The following CTNNA3 variants were observed in gnomAD, a reference collection of about 807,000 sequenced individuals.
CTNNA3 encodes the protein catenin alpha 3.
In CTNNA3, 76 loss-of-function variants were observed where a neutral mutation model predicts 95.7. That is an observed-to-expected ratio of 0.79 (90% confidence interval 0.66 to 0.96). CTNNA3 has a LOEUF of 0.96. Among genes scored for constraint, CTNNA3 ranks in the 40% least tolerant of loss-of-function variants. The pLI is 0.00. For missense variants in CTNNA3, 1,191 were observed against 1,089.8 expected (o/e 1.09, Z -1.31); for synonymous variants, 431 against 374.4 (o/e 1.15, Z -1.74).
chr10:66,356,169 TATA>T (rs1315507064), intron 12 of CTNNA3, among the ~76,000 whole-genome samples: 1 of 147,454 alleles, frequency 6.8e-6, no homozygotes, highest in Non-Finnish European at 1.5e-5. Flanking sequence ...TGCCTTTCCA[TATA>T]AATGTATTTT....
chr10:67,325,518 A>C (rs1841504228), intron 5 of CTNNA3, among the ~76,000 whole-genome samples: 1 of 152,024 alleles, frequency 6.6e-6, no homozygotes, highest in South Asian at 2.1e-4. Flanking sequence ...AGGTTATTCA[A>C]TTCCCATGAA....
At chr10:66,939,836 T>C (rs1847901353) in intron 7 of CTNNA3, among the ~76,000 whole-genome samples, 1 of 152,218 alleles carries the variant, frequency 6.6e-6, no homozygotes, top group South Asian at 2.1e-4. Context: ...TTTTACCTTC[T>C]ATTTGAAATT....
At chr10:66,169,706 A>C (rs1008244516) in intron 13 of CTNNA3, among the ~76,000 whole-genome samples, 2 of 152,122 alleles carry the variant, frequency 1.3e-5, no homozygotes, top group Admixed American at 1.3e-4. Context: ...TTTTTTGATA[A>C]TGGCCATTCT....
intron 9 of CTNNA3, among the ~76,000 whole-genome samples, chr10:66,686,443 A>C (rs1847299942): frequency 6.6e-6 from 1 of 152,226 alleles, no homozygotes; most frequent in African/African-American, 2.4e-5. Flanking sequence ...TGCCTGGGTG[A>C]CAGAGTGAGA....
chr10:67,302,212 A>C (rs1840354139), intron 5 of CTNNA3, among the ~76,000 whole-genome samples: 1 of 152,172 alleles, frequency 6.6e-6, no homozygotes, highest in Non-Finnish European at 1.5e-5. Flanking sequence ...GAATCTAAAA[A>C]AGTTGAACTC....
intron 5 of CTNNA3, among the ~76,000 whole-genome samples, chr10:67,368,231 G>A (rs1445281928): frequency 2.0e-5 from 3 of 152,216 alleles, no homozygotes; most frequent in South Asian, 2.1e-4. Context: ...CAAAGAAGAT[G>A]TAGAGATGGC....
At chr10:66,777,695 G>A (rs1409147818) in intron 7 of CTNNA3, among the ~76,000 whole-genome samples, 3 of 151,110 alleles carry the variant, frequency 2.0e-5, no homozygotes, top group African/African-American at 4.9e-5. Context: ...TGGTTGTATC[G>A]CTTTCCACTT....
At chr10:67,582,073 G>T (rs1180960407) in intron 3 of CTNNA3, among the ~76,000 whole-genome samples, 2 of 149,332 alleles carry the variant, frequency 1.3e-5, no homozygotes, top group African/African-American at 4.9e-5. Flanking sequence ...GTTCTGCTCT[G>T]ATCTTAGTTA....
At chr10:66,973,080 CT>C (rs1305485575) in intron 7 of CTNNA3, among the ~76,000 whole-genome samples, 1 of 152,052 alleles carries the variant, frequency 6.6e-6, no homozygotes, top group Admixed American at 6.6e-5. Flanking sequence ...AAAAATGGTT[CT>C]TTTTTTATTG....
At chr10:66,486,093 G>C (rs1026800639) in intron 11 of CTNNA3, among the ~76,000 whole-genome samples, 1 of 152,126 alleles carries the variant, frequency 6.6e-6, no homozygotes, top group African/African-American at 2.4e-5. Context: ...TTAAAGTTAG[G>C]ATCTGAAACT....
intron 12 of CTNNA3, among the ~76,000 whole-genome samples, chr10:66,346,246 T>TAGAGAGAGAGAGAG (rs371257440): frequency 3.6e-5 from 1 of 27,784 alleles, no homozygotes; most frequent in Non-Finnish European, 7.6e-5. Context: ...TATATATATA[T>TAGAGAGAGAGAGAG]AGAGAGAGAG....
intron 7 of CTNNA3, among the ~76,000 whole-genome samples, chr10:66,782,680 A>T (rs576047628): frequency 1.3e-5 from 2 of 152,186 alleles, no homozygotes; most frequent in Non-Finnish European, 2.9e-5. Flanking sequence ...GGATGTGGGT[A>T]AAATGAATAA....
rs761572470 is a variant in CTNNA3 at position 66,766,328 on chromosome 10, C to A, written c.1217G>T (p.Gly406Val). The A allele has an allele frequency of 1.9e-6, 3 of 1,613,794 alleles. No individual in the cohort carries two copies. Among genetic ancestry groups the A allele is most frequent in the Non-Finnish European group, 2.5e-6 (3 of 1,179,842 alleles). The change falls in exon 9 of 18, where the codon GGC becomes GTC. Residue 406 changes from glycine to valine, a missense_variant. By Grantham distance (109) the Gly-to-Val change is moderately radical. Transcript: ENST00000433211. ...LLVLIEAAKN[G>V]REKEIKEYAA... Reference sequence around the variant, plus strand: ...ATATTCTTTTATTTCCTTTTCCCGGCCATTCTTAGCAGCTTCAATGAGAAC... The same window carrying A: ...ATATTCTTTTATTTCCTTTTCCCGGACATTCTTAGCAGCTTCAATGAGAAC...
intron 7 of CTNNA3, chr10:67,052,607 A>G (rs565992086): frequency 3.9e-5 from 6 of 152,286 alleles, no homozygotes; most frequent in Admixed American, 3.3e-4. Context: ...CATTGTCCCA[A>G]ACTGCCCCAT....
chr10:66,251,350 T>C (rs2090545906), intron 13 of CTNNA3, among the ~76,000 whole-genome samples: 1 of 152,178 alleles, frequency 6.6e-6, no homozygotes, highest in South Asian at 2.1e-4. Flanking sequence ...CCTCTCATAT[T>C]CTTTTACTTT....
intron 5 of CTNNA3, among the ~76,000 whole-genome samples, chr10:67,378,117 T>C (rs1327751886): frequency 6.6e-6 from 1 of 152,172 alleles, no homozygotes; most frequent in African/African-American, 2.4e-5. Flanking sequence ...GACCCTAGTG[T>C]CCTATGTTCT....
intron 11 of CTNNA3, among the ~76,000 whole-genome samples, chr10:66,484,992 G>T (rs1320988070): frequency 1.3e-5 from 2 of 151,924 alleles, no homozygotes; most frequent in Admixed American, 6.6e-5. Flanking sequence ...AAACTATATG[G>T]TTATATCAAT....
rs141655392 is a variant in CTNNA3 at position 66,234,390 on chromosome 10, C to A, written c.1884+46080G>T. 5.3e-3 allele frequency among the ~76,000 whole-genome samples: 801 copies of A among 152,244 alleles called. 6 individuals are homozygous for A. The highest frequency in any genetic ancestry group is 0.024 in the Middle Eastern group (7 of 294). On this transcript the variant is annotated intron_variant, in intron 13 of 17. Coordinates refer to ENST00000433211, the MANE Select transcript of CTNNA3 (RefSeq NM_013266.4). ...TTGAAGATACACACATACACACAGA[C>A]AAACACATTCACATACAGCCAAACA...
intron 11 of CTNNA3, among the ~76,000 whole-genome samples, chr10:66,433,541 T>C (rs898711431): frequency 1.3e-5 from 2 of 152,236 alleles, no homozygotes; most frequent in Non-Finnish European, 2.9e-5. Flanking sequence ...TTCTGGATAT[T>C]AGCCCTTTGT....
Sources: gnomAD v4.1 joint callset for allele counts (sites outside exome capture counted in the v4.1 genomes callset) on GRCh38, gnomAD v4.1.1 for gene constraint, MANE v1.5 for transcripts, NCBI Gene and HGNC (gene_info 2026-07-23, HGNC 2026-07-21) for gene names.